Variants in NLRP14 observed in about 807,000 individuals in gnomAD.
NLRP14 encodes NACHT, LRR and PYD domains-containing protein 14.
NLRP14 carries 105 observed loss-of-function variants against 94.7 expected under a neutral mutation model. The observed-to-expected ratio is 1.11, with a 90% CI of 0.95 to 1.30. The LOEUF (loss-of-function observed/expected upper bound fraction) is 1.30. Among genes scored for constraint, NLRP14 ranks in the 50% most tolerant of loss-of-function variants. The pLI, the probability that NLRP14 is intolerant of heterozygous loss-of-function variation, is 0.00. For missense variants in NLRP14, 1,362 were observed against 1,254.1 expected, an observed-to-expected ratio of 1.09 and a Z score of -1.30; for synonymous variants, 508 against 459.9, an observed-to-expected ratio of 1.10 and a Z score of -1.34.
At chr11:7,040,343 C>T (rs2119606058) in intron 3 of NLRP14, among the ~76,000 whole-genome samples, 1 of 152,350 alleles carries the variant, frequency 6.6e-6, no homozygotes, top group Admixed American at 6.5e-5. Context: ...GTCAGATCAG[C>T]AGCTGCTTTA....
intron 5 of NLRP14, among the ~76,000 whole-genome samples, chr11:7,048,552 C>T (rs1852394280): frequency 6.6e-6 from 1 of 152,102 alleles, no homozygotes; most frequent in African/African-American, 2.4e-5. Context: ...AAATATTTTC[C>T]TCCTGATCTC....
At chr11:7,056,174 G>GA (rs886517024) in intron 6 of NLRP14, among the ~76,000 whole-genome samples, 1 of 151,398 alleles carries the variant, frequency 6.6e-6, no homozygotes, top group African/African-American at 2.4e-5. Flanking sequence ...TTTCTGATTT[G>GA]AAAAAATCTT....
At chr11:7,053,776 C>A (rs572638441) in intron 6 of NLRP14, among the ~76,000 whole-genome samples, 2 of 151,982 alleles carry the variant, frequency 1.3e-5, no homozygotes, top group Non-Finnish European at 2.9e-5. Flanking sequence ...TATCACCTCA[C>A]GCATTTATTT....
the NLRP14 span, chr11:7,089,374 C>A: frequency 6.2e-7 from 1 of 1,604,656 alleles, no homozygotes; most frequent in Non-Finnish European, 8.5e-7. Context: ...GCCCAGGCCA[C>A]CAAACCGGCG....
intron 5 of NLRP14, among the ~76,000 whole-genome samples, chr11:7,049,250 CA>C (rs1758636500): frequency 6.6e-6 from 1 of 152,172 alleles, no homozygotes; most frequent in Non-Finnish European, 1.5e-5. Flanking sequence ...ACGAAGTCCC[CA>C]AGATGGCACA....
At chr11:7,041,081 A>G (rs1852241273) in intron 3 of NLRP14, among the ~76,000 whole-genome samples, 1 of 152,136 alleles carries the variant, frequency 6.6e-6, no homozygotes, top group Non-Finnish European at 1.5e-5. Context: ...TTTACTGATT[A>G]TTTTCTCTGT....
chr11:7,038,549 T>C lies in NLRP14; in HGVS notation c.-21-17T>C. 1 of 1,602,206 alleles carries C rather than the reference T, an allele frequency of 6.2e-7. No homozygotes were observed. Among genetic ancestry groups the C allele is most frequent in the South Asian group, 1.1e-5 (1 of 90,566 alleles). On this transcript the variant is annotated splice_polypyrimidine_tract_variant and intron_variant, in intron 1 of 11. Coordinates refer to ENST00000299481, the MANE Select transcript of NLRP14 (RefSeq NM_176822.4). ...ATTTATTCCATGTGCTTTTGGTTAT[T>C]TTTTTTCCCCCCACAGAGGCCTGAA...
intron 1 of NLRP14, among the ~76,000 whole-genome samples, chr11:7,023,013 C>T (rs1443679480): frequency 6.6e-6 from 1 of 151,716 alleles, no homozygotes; most frequent in African/African-American, 2.4e-5. Flanking sequence ...AATTATTGAG[C>T]CAACAAATAT....
chr11:7,060,823 T>C (rs1354449034), intron 9 of NLRP14, among the ~76,000 whole-genome samples: 1 of 152,074 alleles, frequency 6.6e-6, no homozygotes, highest in Non-Finnish European at 1.5e-5. Flanking sequence ...CTTGATAGTA[T>C]TTCAGAAATA....
intron 10 of NLRP14, 89 bp from the exon 11 acceptor site, chr11:7,070,197 A>T (rs1852769434): frequency 1.1e-6 from 1 of 919,738 alleles, no homozygotes; most frequent in African/African-American, 1.6e-5. Flanking sequence ...TTCTGGAATT[A>T]TCCTCCATTC....
In NLRP14 at chr11:7,060,192, T is replaced by G; in HGVS notation, c.2804+128T>G. Reference sequence around the variant, plus strand: ...TATAAAGCTGATTTTCCCTCTCTCTTCTGCCTGAGACAAGCTGGGGAAGTC... The same window carrying G: ...TATAAAGCTGATTTTCCCTCTCTCTGCTGCCTGAGACAAGCTGGGGAAGTC... On this transcript the variant is annotated intron_variant, in intron 9 of 11. Coordinates refer to ENST00000299481, the MANE Select transcript of NLRP14 (RefSeq NM_176822.4). 7 of 735,664 alleles carry G rather than the reference T, an allele frequency of 9.5e-6. No homozygotes were observed. In the South Asian group the frequency reaches 1.3e-4, roughly 13 times the overall value. 45.6% of individuals were successfully genotyped at this position (735,664 alleles called of 1,614,324 possible). A position where few individuals can be genotyped will look rare whatever the true frequency, so the allele number is the denominator to read the frequency against.
In NLRP14 at chr11:7,043,148, C is replaced by T. The variant is rs778565587; in HGVS notation, c.1122C>T (p.Ala374=). ...GCCAAGTCCCCCTAGTGTGCTGGGCCGCTTGTACTTGTCTGAAGCAGCAAA... is the reference window on the plus strand; with the variant it reads ...GCCAAGTCCCCCTAGTGTGCTGGGCTGCTTGTACTTGTCTGAAGCAGCAAA... The part of the protein sequence containing the change: ...SMCQVPLVCW[A]ACTCLKQQME... The change falls in exon 4 of 12, where the codon GCC becomes GCT. Residue 374 remains alanine, a synonymous_variant. Transcript: ENST00000299481. The T allele has an allele frequency of 1.3e-5, 21 of 1,613,884 alleles. No homozygotes were observed. Among genetic ancestry groups the T allele is most frequent in the South Asian group, 7.7e-5 (7 of 91,070 alleles).
intron 1 of NLRP14, among the ~76,000 whole-genome samples, chr11:7,021,000 G>A (rs554479635): frequency 6.6e-6 from 1 of 152,172 alleles, no homozygotes; most frequent in African/African-American, 2.4e-5. Context: ...ATTTAGCTGA[G>A]TGTGTTATAT....
Position 7,027,253 on chromosome 11 carries a change from G to A in NLRP14, c.-22+6483G>A, listed in dbSNP as rs780844006. 4.0e-5 allele frequency among the ~76,000 whole-genome samples: 6 copies of A among 151,726 alleles called. No individual in the cohort carries two copies. In the South Asian group the frequency reaches 1.0e-3, roughly 26 times the overall value. On this transcript the variant is annotated intron_variant, in intron 1 of 11. Coordinates refer to ENST00000299481, the MANE Select transcript of NLRP14 (RefSeq NM_176822.4). ...TTTCTGGGGCCCTGTTTTAGTTAGTGTAGGCTCTTATAACAAAATACCATA... is the reference window on the plus strand; with the variant it reads ...TTTCTGGGGCCCTGTTTTAGTTAGTATAGGCTCTTATAACAAAATACCATA...
At chr11:7,088,937 A>G in the NLRP14 span, 1 of 676,086 alleles carries the variant, frequency 1.5e-6, no homozygotes, top group Non-Finnish European at 2.5e-6. Context: ...CTCTGGAAAC[A>G]GCCGACCAAT....
At chr11:7,033,435 G>A (rs947285298) in intron 1 of NLRP14, among the ~76,000 whole-genome samples, 4 of 152,084 alleles carry the variant, frequency 2.6e-5, no homozygotes, top group African/African-American at 9.7e-5. Flanking sequence ...AGACAATAAG[G>A]CAATTAAGTT....
the NLRP14 span, among the ~76,000 whole-genome samples, chr11:7,078,659 G>A: frequency 6.6e-6 from 1 of 151,678 alleles, no homozygotes; most frequent in East Asian, 1.9e-4. Flanking sequence ...ATGGTGGTGG[G>A]TGCTTGCAAT....
Position 7,051,981 on chromosome 11 carries a change from G to C in NLRP14, c.2291+2143G>C, listed in dbSNP as rs150548075. On this transcript the variant is annotated intron_variant, in intron 6 of 11. Transcript: ENST00000299481. Reference sequence around the variant, plus strand: ...AATATTTACCCAAGGCCTCCCTCAAGAAGAGGAGAAAGATCTATTCTCTTT... The same window carrying C: ...AATATTTACCCAAGGCCTCCCTCAACAAGAGGAGAAAGATCTATTCTCTTT... 1.1e-4 allele frequency among the ~76,000 whole-genome samples: 17 copies of C among 152,278 alleles called. No homozygotes were observed. In the East Asian group the frequency reaches 1.7e-3, roughly 16 times the overall value.
chr11:7,089,383 C>T, the NLRP14 span: 4 of 1,601,906 alleles, frequency 2.5e-6, no homozygotes, highest in South Asian at 1.1e-5. Context: ...ACCAAACCGG[C>T]GTTCGAGAGC....
Sources: gnomAD v4.1 joint callset for allele counts (sites outside exome capture counted in the v4.1 genomes callset) on GRCh38, gnomAD v4.1.1 for gene constraint, MANE v1.5 for transcripts, NCBI Gene and HGNC (gene_info 2026-07-23, HGNC 2026-07-21) for gene names.